CCDC171: variants seen among roughly 807,000 people sequenced by gnomAD.
CCDC171 encodes the protein coiled-coil domain-containing protein 171.
In CCDC171, 177 loss-of-function variants were observed where a neutral mutation model predicts 168.2. The ratio of observed to expected loss-of-function variants is 1.05; its 90% CI spans 0.93 to 1.19. The LOEUF (loss-of-function observed/expected upper bound fraction) is 1.19. Ranked by LOEUF, CCDC171 falls within the 50% of genes most tolerant of loss-of-function variation. The probability of loss-of-function intolerance (pLI) is 0.00; values close to 1 mark genes in which losing one functional copy is unlikely to be tolerated. For synonymous variants in CCDC171, 687 were observed against 540.8 expected, an observed-to-expected ratio of 1.27 and a Z score of -3.75; for missense variants, 1,991 against 1,539.0, an observed-to-expected ratio of 1.29 and a Z score of -4.91.
chr9:15,909,236 A>C (rs1195062577), intron 24 of CCDC171, among the ~76,000 whole-genome samples: 1 of 152,180 alleles, frequency 6.6e-6, no homozygotes, highest in African/African-American at 2.4e-5. Context: ...TTCAAGCCTA[A>C]CTGTAGTTGG....
chr9:15,894,969 T>C (rs1270035510), intron 24 of CCDC171, among the ~76,000 whole-genome samples: 1 of 152,138 alleles, frequency 6.6e-6, no homozygotes, highest in African/African-American at 2.4e-5. Context: ...ATTTGTTGAA[T>C]ATGTTAATGA....
chr9:15,624,320 AT>A (rs1317453792), intron 7 of CCDC171, among the ~76,000 whole-genome samples: 1 of 151,296 alleles, frequency 6.6e-6, no homozygotes, highest in African/African-American at 2.4e-5. Flanking sequence ...AAATTAATTA[AT>A]TTTTTATTAT....
chr9:15,939,090 C>T (rs1201823680), intron 25 of CCDC171, among the ~76,000 whole-genome samples: 1 of 150,608 alleles, frequency 6.6e-6, no homozygotes, highest in Non-Finnish European at 1.5e-5. Context: ...GATAATATAA[C>T]CTTTTTTTTT....
Position 15,591,549 on chromosome 9 carries a change from C to T in CCDC171, c.536C>T (p.Thr179Ile). 1.3e-6 allele frequency: 2 copies of T among 1,530,624 alleles called. No individual in the cohort carries two copies. Among genetic ancestry groups the T allele is most frequent in the Non-Finnish European group, 1.8e-6 (2 of 1,127,210 alleles). 94.8% of individuals were successfully genotyped at this position (1,530,624 alleles called of 1,614,324 possible). A position where few individuals can be genotyped will look rare whatever the true frequency, so the allele number is the denominator to read the frequency against. ...AAAGAAAAAAGCAGACTAGAGAAAA[C>T]TCTACAGGTAAAATAGTTTTTATAA... ...LMKEKSRLEK[T>I]LQEALEKHQR... Residue 179 changes from threonine (T) to isoleucine (I), a missense_variant, in exon 5 of 26, where the codon ACT becomes ATT. By Grantham distance (89) the Thr-to-Ile change is moderately conservative. Coordinates refer to ENST00000380701, the MANE Select transcript of CCDC171 (RefSeq NM_173550.4).
intron 7 of CCDC171, among the ~76,000 whole-genome samples, chr9:15,650,363 C>T (rs190090112): frequency 3.3e-5 from 5 of 151,814 alleles, no homozygotes; most frequent in Admixed American, 6.6e-5. Context: ...CAAACCTTCA[C>T]GTTGTGCATA....
At chr9:16,073,118 T>C in the CCDC171 span, among the ~76,000 whole-genome samples, 2 of 152,324 alleles carry the variant, frequency 1.3e-5, no homozygotes, top group African/African-American at 4.8e-5. Context: ...GAAGTATCAA[T>C]GGTTGCATAG....
intron 1 of CCDC171, among the ~76,000 whole-genome samples, chr9:16,045,359 G>C (rs887985408): frequency 5.3e-5 from 8 of 152,174 alleles, no homozygotes; most frequent in African/African-American, 1.9e-4. Context: ...GTCAACCTCA[G>C]CACTGTTGAC....
At chr9:15,633,809 T>G (rs908387464) in intron 7 of CCDC171, among the ~76,000 whole-genome samples, 7 of 152,170 alleles carry the variant, frequency 4.6e-5, no homozygotes, top group Non-Finnish European at 1.0e-4. Context: ...ATTAAGAAAA[T>G]GTGGCAGATA....
At chr9:16,062,944 C>T (rs544133791), downstream of CCDC171, among the ~76,000 whole-genome samples, 1 of 152,222 alleles carries the variant, frequency 6.6e-6, no homozygotes. Flanking sequence ...TATTTTGGAA[C>T]TAAATAGTGA....
chr9:15,560,127 G>A (rs375945605), intron 1 of CCDC171, among the ~76,000 whole-genome samples: 10 of 152,130 alleles, frequency 6.6e-5, no homozygotes, highest in Non-Finnish European at 1.3e-4. Context: ...GCTTCCCTTT[G>A]TGGGTAACCT....
the CCDC171 span, among the ~76,000 whole-genome samples, chr9:16,108,781 G>A: frequency 6.6e-6 from 1 of 152,156 alleles, no homozygotes; most frequent in East Asian, 1.9e-4. Flanking sequence ...TAAAAAGTAA[G>A]AATATTCACC....
intron 3 of CCDC171, among the ~76,000 whole-genome samples, chr9:16,002,327 G>T (rs187017901): frequency 6.5e-4 from 99 of 152,140 alleles, no homozygotes; most frequent in African/African-American, 2.3e-3. Context: ...GTGGAAGACA[G>T]TGATACTGAT....
Position 15,784,538 on chromosome 9 carries a change from T to C in CCDC171, c.3111T>C (p.Ser1037=), listed in dbSNP as rs375859593. Residue 1037 remains serine (S), a synonymous_variant, in exon 21 of 26, where the codon AGT becomes AGC. Coordinates refer to ENST00000380701, the MANE Select transcript of CCDC171 (RefSeq NM_173550.4). ...SKLITHEKFE[S]ACEELNNALL... The stretch of plus-strand genomic sequence containing the variant: ...TGATCACCCATGAGAAGTTTGAAAG[T>C]GCATGTGAAGAACTAAATAATGCAT... The C allele has an allele frequency of 2.2e-5, 36 of 1,613,044 alleles. 1 individual carries two copies. The East Asian group carries it at 4.5e-4, about 20-fold the overall frequency.
In CCDC171 at chr9:15,594,221, G is replaced by C. The variant is rs778930883; in HGVS notation, c.675+49G>C. 1.1e-5 allele frequency: 11 copies of C among 1,038,052 alleles called. No homozygotes were observed. In the Admixed American group the frequency reaches 2.6e-4, roughly 24 times the overall value. The allele number at this position is 1,038,052 out of a possible 1,614,324, so 64.3% of individuals were successfully genotyped here. The stretch of plus-strand genomic sequence containing the variant: ...TTAAATATATATTTTTAATGCTTAT[G>C]ATATTCAAAATTACATTAGTGGGAT... On this transcript the variant is annotated intron_variant, in intron 6 of 25. Transcript: ENST00000380701.
At chr9:15,738,524 C>T (rs1007508116) in intron 16 of CCDC171, among the ~76,000 whole-genome samples, 1 of 152,072 alleles carries the variant, frequency 6.6e-6, no homozygotes, top group Non-Finnish European at 1.5e-5. Flanking sequence ...CAGGTTATTT[C>T]AGTACTAGGA....
chr9:16,095,703 G>T, the CCDC171 span, among the ~76,000 whole-genome samples: 1 of 151,924 alleles, frequency 6.6e-6, no homozygotes, highest in South Asian at 2.1e-4. Context: ...AGGCGAACCT[G>T]GTGTTGATTT....
chr9:15,700,963 C>A (rs2133874895), intron 11 of CCDC171, among the ~76,000 whole-genome samples: 1 of 151,874 alleles, frequency 6.6e-6, no homozygotes, highest in South Asian at 2.1e-4. Flanking sequence ...TCTCATTGTG[C>A]TTTTGATTTG....
chr9:15,978,087 T>C (rs774075486), downstream of CCDC171, among the ~76,000 whole-genome samples: 5 of 152,166 alleles, frequency 3.3e-5, no homozygotes, highest in Non-Finnish European at 5.9e-5. Flanking sequence ...CTTTGGAACG[T>C]AGACACTCCC....
intron 21 of CCDC171, among the ~76,000 whole-genome samples, chr9:15,809,975 C>T (rs2135938631): frequency 6.6e-6 from 1 of 152,234 alleles, no homozygotes; most frequent in East Asian, 1.9e-4. Flanking sequence ...TGACAGGGTG[C>T]CGATTGGTGC....
Sources: allele counts gnomAD v4.1 joint callset (sites outside exome capture counted in the v4.1 genomes callset), GRCh38; gene constraint gnomAD v4.1.1; transcripts MANE v1.5; gene names NCBI Gene and HGNC (gene_info 2026-07-23, HGNC 2026-07-21).